TOX3: variants seen among roughly 807,000 people sequenced by gnomAD.
TOX3 encodes the protein TOX high mobility group box family member 3, also known as CAG trinucleotide repeat-containing gene F9 protein.
Under a neutral mutation model 64.3 loss-of-function variants are expected in TOX3, and 22 were observed. The observed-to-expected ratio is 0.34, with a 90% CI of 0.24 to 0.49. TOX3 has a LOEUF of 0.49. TOX3 is among the 20% of genes least tolerant of loss of function. The pLI is 0.99. For missense variants in TOX3, 661 were observed against 714.4 expected (o/e 0.93, Z 0.85); for synonymous variants, 291 against 273.6 (o/e 1.06, Z -0.63).
intron 1 of TOX3, among the ~76,000 whole-genome samples, chr16:52,515,011 C>CAAAAAAAAAAAAAAAAAAAAAAAA (rs56746564): frequency 6.3e-5 from 1 of 15,832 alleles, no homozygotes; most frequent in African/African-American, 1.8e-4. Flanking sequence ...GACTCCATCT[C>CAAAAAAAAAAAAAAAAAAAAAAAA]AAAAAAAAAA....
At chr16:52,543,000 T>C (rs573224194) in intron 1 of TOX3, among the ~76,000 whole-genome samples, 1 of 152,170 alleles carries the variant, frequency 6.6e-6, no homozygotes, top group Non-Finnish European at 1.5e-5. Context: ...CTGGGACTGA[T>C]AGAATAAAAA....
At chr16:52,520,540 C>T (rs1279490216) in intron 1 of TOX3, among the ~76,000 whole-genome samples, 1 of 152,128 alleles carries the variant, frequency 6.6e-6, no homozygotes, top group East Asian at 1.9e-4. Flanking sequence ...ATGCATTTTG[C>T]CATTTAAAGC....
At chr16:52,470,944 G>A (rs1567322936) in intron 1 of TOX3, among the ~76,000 whole-genome samples, 1 of 152,160 alleles carries the variant, frequency 6.6e-6, no homozygotes, top group Non-Finnish European at 1.5e-5. Context: ...TTTCTATTCT[G>A]TATTGGGTAA....
intron 3 of TOX3, among the ~76,000 whole-genome samples, chr16:52,453,259 CT>C (rs1960412432): frequency 6.6e-6 from 1 of 151,252 alleles, no homozygotes; most frequent in Non-Finnish European, 1.5e-5. Flanking sequence ...TCTCGGCTCA[CT>C]GCAACCTCCA....
intron 2 of TOX3, among the ~76,000 whole-genome samples, chr16:52,465,358 G>C (rs1168479299): frequency 1.3e-5 from 2 of 151,388 alleles, no homozygotes; most frequent in Non-Finnish European, 2.9e-5. Flanking sequence ...AGGGCCTCGT[G>C]ATATAAATCA....
intron 4 of TOX3, among the ~76,000 whole-genome samples, chr16:52,449,771 A>G (rs988606359): frequency 6.6e-6 from 1 of 152,264 alleles, no homozygotes; most frequent in African/African-American, 2.4e-5. Flanking sequence ...CAAACTTTGT[A>G]TCATTTCAAA....
intron 1 of TOX3, among the ~76,000 whole-genome samples, chr16:52,545,982 ACT>A (rs1443933404): frequency 6.6e-6 from 1 of 152,118 alleles, no homozygotes; most frequent in African/African-American, 2.4e-5. Flanking sequence ...GAAATGCAAA[ACT>A]TAGCCCCCCC....
At chr16:52,523,542 A>G (rs1962659870) in intron 1 of TOX3, among the ~76,000 whole-genome samples, 1 of 152,190 alleles carries the variant, frequency 6.6e-6, no homozygotes, top group Non-Finnish European at 1.5e-5. Context: ...TAATTTCAGC[A>G]TCCCCTCTCA....
rs1959833168 is a variant in TOX3, at chr16:52,438,841, G to A, written c.*384C>T. The A allele has an allele frequency of 2.1e-6, 1 of 478,154 alleles. No homozygotes were observed. Among genetic ancestry groups the A allele is most frequent in the South Asian group, 1.6e-5 (1 of 61,786 alleles). 29.6% of individuals were successfully genotyped at this position (478,154 alleles called of 1,614,324 possible). A position where few individuals can be genotyped will look rare whatever the true frequency, so the allele number is the denominator to read the frequency against. On this transcript the variant is annotated 3_prime_UTR_variant, in exon 7 of 7. Coordinates refer to ENST00000219746, the MANE Select transcript of TOX3 (RefSeq NM_001080430.4). ...GGGCTTCAGGAGTTCAGATAGCCTG[G>A]AAGTGTGGTTTACTCACTTCTGGAG... is the stretch of plus-strand genomic sequence containing the variant.
chr16:52,543,671 T>A (rs1240670654), intron 1 of TOX3, among the ~76,000 whole-genome samples: 1 of 152,220 alleles, frequency 6.6e-6, no homozygotes, highest in African/African-American at 2.4e-5. Context: ...GTGATGACTT[T>A]AAGTTTATAC....
At chr16:52,452,018 G>T (rs945335255) in intron 3 of TOX3, among the ~76,000 whole-genome samples, 1 of 151,952 alleles carries the variant, frequency 6.6e-6, no homozygotes, top group Non-Finnish European at 1.5e-5. Context: ...TACCAGTCAT[G>T]ACAATGAAAA....
chr16:52,519,557 T>C, intron 1 of TOX3: 1 of 1,504,846 alleles, frequency 6.6e-7, no homozygotes, highest in Non-Finnish European at 8.9e-7. Flanking sequence ...TGGATGGGGT[T>C]CAGTGAGAGA....
chr16:52,502,294 T>A (rs1039624813), intron 1 of TOX3, among the ~76,000 whole-genome samples: 2 of 152,230 alleles, frequency 1.3e-5, no homozygotes, highest in Non-Finnish European at 2.9e-5. Flanking sequence ...CACTTTTCCA[T>A]GCTTCAAGTT....
chr16:52,446,193 T>C lies in TOX3; in HGVS notation c.707A>G (p.Asp236Gly), dbSNP rs1960157090. The part of the protein sequence containing the change: ...RAIGEKRAAP[D>G]SGKKPKTPKK... ...TGGAGTCTTGGGCTTCTTGCCAGAGTCTGGAGCAGCTCTTTTCTCTCCAAT... is the reference window on the plus strand; with the variant it reads ...TGGAGTCTTGGGCTTCTTGCCAGAGCCTGGAGCAGCTCTTTTCTCTCCAAT... The change falls in exon 5 of 7, where the codon GAC (aspartate) becomes GGC (glycine). Residue 236 changes from aspartate to glycine, a missense_variant. This residue lies in a region of TOX3 where 103 missense variants were observed against 161.2 expected (regional missense o/e 0.64). Coordinates refer to ENST00000219746, the MANE Select transcript of TOX3 (RefSeq NM_001080430.4). 1.9e-6 allele frequency: 3 copies of C among 1,613,544 alleles called. No homozygotes were observed. The South Asian group carries it at 3.3e-5, about 18-fold the overall frequency.
At chr16:52,450,567 G>A (rs1377425549) in intron 3 of TOX3, 21 bp from the exon 4 acceptor site, 2 of 1,612,874 alleles carry the variant, frequency 1.2e-6, no homozygotes, top group Non-Finnish European at 8.5e-7. Context: ...AGCAACAAAG[G>A]GGGAAAATAT....
At chr16:52,471,010 T>C (rs1961026848) in intron 1 of TOX3, among the ~76,000 whole-genome samples, 1 of 152,182 alleles carries the variant, frequency 6.6e-6, no homozygotes. Context: ...GCAATTGTCT[T>C]TCTCCTGCAT....
intron 4 of TOX3, among the ~76,000 whole-genome samples, chr16:52,446,457 G>A (rs750047404): frequency 7.2e-5 from 11 of 152,150 alleles, no homozygotes; most frequent in Non-Finnish European, 1.3e-4. Context: ...CACAACATAT[G>A]CTCGAAATAG....
At chr16:52,478,193 A>G (rs938352602) in intron 1 of TOX3, among the ~76,000 whole-genome samples, 4 of 152,224 alleles carry the variant, frequency 2.6e-5, no homozygotes, top group African/African-American at 9.6e-5. Flanking sequence ...ACTCCTTGCC[A>G]TGGGCTACAA....
At chr16:52,480,929 GT>G (rs11454608) in intron 1 of TOX3, among the ~76,000 whole-genome samples, 5,101 of 148,162 alleles carry the variant, frequency 0.034, 195 homozygotes, top group East Asian at 0.19. Context: ...TCTGAAGAGA[GT>G]TTTTTTTTTT....
Sources: allele counts gnomAD v4.1 joint callset (sites outside exome capture counted in the v4.1 genomes callset), GRCh38; gene constraint gnomAD v4.1.1; regional missense constraint gnomAD v4.1.1; transcripts MANE v1.5; gene names NCBI Gene and HGNC (gene_info 2026-07-23, HGNC 2026-07-21).